The following NPHP4 variants were observed in gnomAD, a reference collection of about 807,000 sequenced individuals.
The protein encoded by NPHP4 is nephrocystin 4, also known as nephrocystin-4.
In NPHP4, 151 loss-of-function variants were observed where a neutral mutation model predicts 155.8. That is an observed-to-expected ratio of 0.97 (90% confidence interval 0.85 to 1.11). NPHP4 has a LOEUF of 1.11. NPHP4 is among the 50% of genes least tolerant of loss of function. The pLI is 0.00. For synonymous variants in NPHP4, 845 were observed against 816.8 expected (o/e 1.03, Z -0.59); for missense variants, 1,956 against 1,925.7 (o/e 1.02, Z -0.29).
chr1:5,881,450 A>G (rs1422977817), intron 18 of NPHP4: 1 of 152,276 alleles, frequency 6.6e-6, no homozygotes, highest in Non-Finnish European at 1.5e-5. Flanking sequence ...CAGCCCCTCT[A>G]CATCCCAGGG....
At chr1:5,969,306 CAA>C (rs1413527103) in intron 3 of NPHP4, 47 bp from the exon 4 acceptor site, 1 of 1,363,420 alleles carries the variant, frequency 7.3e-7, no homozygotes, top group African/African-American at 1.5e-5. Context: ...AGGACACACA[CAA>C]AGAGGACATG....
chr1:5,922,681 C>T (rs997332952), intron 11 of NPHP4, among the ~76,000 whole-genome samples: 1 of 137,584 alleles, frequency 7.3e-6, no homozygotes, highest in Non-Finnish European at 1.6e-5. Context: ...TAGCCAGGCA[C>T]GGTGGCACTG....
chr1:5,912,503 A>G (rs1400076380), intron 11 of NPHP4, among the ~76,000 whole-genome samples: 1 of 147,882 alleles, frequency 6.8e-6, no homozygotes, highest in Non-Finnish European at 1.5e-5. Context: ...GCGCCACTGC[A>G]CTCCAGCCTG....
Position 5,867,203 on chromosome 1 carries a change from G to A in NPHP4, c.3473-88C>T. ...CCACACATTACACACTATAGGACAG[G>A]ACAGGCTCGTCACAGGTGCTCAGCA... On this transcript the variant is annotated intron_variant, in intron 24 of 29. Transcript: ENST00000378156. This position sits in a 1 kb window ranked among gnomAD's most constrained non-coding sequence, Gnocchi z 4.1. The A allele has an allele frequency of 1.0e-6, 1 of 1,001,460 alleles. No homozygotes were observed. Among genetic ancestry groups the A allele is most frequent in the Non-Finnish European group, 1.5e-6 (1 of 662,542 alleles). 62.0% of individuals were successfully genotyped at this position (1,001,460 alleles called of 1,614,324 possible).
intron 2 of NPHP4, among the ~76,000 whole-genome samples, chr1:5,980,111 G>A (rs1395461875): frequency 1.3e-5 from 2 of 152,116 alleles, no homozygotes; most frequent in East Asian, 3.9e-4. Flanking sequence ...ACGCAAGCCC[G>A]TCCAGCTGCC....
At chr1:5,865,839 G>A (rs1421658392) in intron 26 of NPHP4, 1 of 177,460 alleles carries the variant, frequency 5.6e-6, no homozygotes, top group Non-Finnish European at 1.2e-5. Context: ...CTGAGTGCAG[G>A]TTAGCCCCTG....
chr1:5,873,668 A>T, intron 22 of NPHP4: 1 of 419,006 alleles, frequency 2.4e-6, no homozygotes. Context: ...ACCTTAAGCG[A>T]TGACCACCAC....
chr1:5,955,402 T>A (rs1323820752), intron 6 of NPHP4, among the ~76,000 whole-genome samples: 1 of 152,208 alleles, frequency 6.6e-6, no homozygotes, highest in Non-Finnish European at 1.5e-5. Context: ...CCAAAGGAAA[T>A]GAAATCAGTA....
At chr1:5,974,344 T>C (rs976244639) in intron 3 of NPHP4, among the ~76,000 whole-genome samples, 1 of 152,050 alleles carries the variant, frequency 6.6e-6, no homozygotes, top group Non-Finnish European at 1.5e-5. Context: ...TCACGAGGAT[T>C]CCTGCCCAGT....
chr1:5,933,225 A>G lies in NPHP4; in HGVS notation c.1224T>C (p.Pro408=). The G allele has an allele frequency of 6.2e-7, 1 of 1,613,380 alleles. No individual in the cohort carries two copies. Among genetic ancestry groups the G allele is most frequent in the Non-Finnish European group, 8.5e-7 (1 of 1,179,344 alleles). ...LEADSGRVTL[P]LQGGIQPNPS... is the part of the protein sequence containing the mutation. ...GGTTGGGCTGGATCCCACCCTGCAG[A>G]GGCAGGGTCACCCTTCCAGAATCAG... Residue 408 remains proline, a synonymous_variant, in exon 10 of 30, where the codon CCT becomes CCC. Coordinates refer to ENST00000378156, the MANE Select transcript of NPHP4 (RefSeq NM_015102.5).
intron 16 of NPHP4, among the ~76,000 whole-genome samples, chr1:5,901,380 G>A (rs1570342866): frequency 6.6e-6 from 1 of 152,236 alleles, no homozygotes; most frequent in African/African-American, 2.4e-5. Context: ...ACAAGCTGCG[G>A]CTGCTGAAGG....
At chr1:5,907,020 CCTAA>C (rs1445338532) in intron 13 of NPHP4, 91 bp downstream of exon 13, 1 of 612,766 alleles carries the variant, frequency 1.6e-6, no homozygotes, top group Non-Finnish European at 2.7e-6. Flanking sequence ...GTCTCTGCCA[CCTAA>C]CTAAGGACAG....
chr1:5,884,355 T>C (rs534728552), intron 18 of NPHP4, among the ~76,000 whole-genome samples: 7 of 152,284 alleles, frequency 4.6e-5, no homozygotes, highest in Admixed American at 3.3e-4. Context: ...ACGCTTAGCC[T>C]GTGGGGCCAT....
chr1:5,879,535 A>G, intron 19 of NPHP4: 1 of 518,642 alleles, frequency 1.9e-6, no homozygotes, highest in South Asian at 1.4e-5. Flanking sequence ...CCTTCTCTCC[A>G]TTTCTCCTTC....
rs372909916 is a variant in NPHP4, at chr1:5,904,764, C to T, written c.1996G>A (p.Val666Met). Residue 666 changes from valine (V) to methionine (M), a missense_variant, in exon 16 of 30, where the codon GTG becomes ATG. Val to Met is a conservative substitution (Grantham distance 21, BLOSUM62 1). Transcript: ENST00000378156. ...DCRGTSWPKT[V>M]YFTFQFYRFP... ...CGGTAGAACTGGAAGGTGAAATACA[C>T]AGTCTTTGGCCATGATGTTCCTCGG... is the stretch of plus-strand genomic sequence containing the variant. The T allele has an allele frequency of 5.0e-6, 8 of 1,613,900 alleles. No homozygotes were observed. In the Admixed American group the frequency reaches 6.7e-5, roughly 13 times the overall value.
intron 12 of NPHP4, 60 bp from the exon 13 acceptor site, chr1:5,907,282 T>C (rs902528321): frequency 1.8e-6 from 2 of 1,138,708 alleles, no homozygotes; most frequent in Non-Finnish European, 2.5e-6. Flanking sequence ...TCCACAAAGC[T>C]CCCAACATGC....
In NPHP4 at chr1:5,888,389, G is replaced by A. The variant is rs577405513; in HGVS notation, c.2305-923C>T. 150 of 1,094,846 alleles carry A rather than the reference G, an allele frequency of 1.4e-4. No individual in the cohort carries two copies. In the South Asian group the frequency reaches 3.0e-3, roughly 22 times the overall value. 67.8% of individuals were successfully genotyped at this position (1,094,846 alleles called of 1,614,324 possible). A position where few individuals can be genotyped will look rare whatever the true frequency, so the allele number is the denominator to read the frequency against. ...AAGAAGCAGTGTGGGAGCAGATGAG[G>A]TTCCGGATTTTGTAATTCTCCAGTT... On this transcript the variant is annotated intron_variant, in intron 17 of 29. Coordinates refer to ENST00000378156, the MANE Select transcript of NPHP4 (RefSeq NM_015102.5).
chr1:5,901,242 C>A (rs534086443), intron 16 of NPHP4, among the ~76,000 whole-genome samples: 3 of 152,182 alleles, frequency 2.0e-5, no homozygotes, highest in African/African-American at 7.2e-5. Flanking sequence ...CTGTCTTTAC[C>A]GTACGCATGT....
intron 11 of NPHP4, among the ~76,000 whole-genome samples, chr1:5,915,349 A>C (rs1645418560): frequency 6.6e-6 from 1 of 152,170 alleles, no homozygotes. Context: ...GGGTTGCAAA[A>C]AGTAGCTTCC....
Sources: gnomAD v4.1 joint callset for allele counts (sites outside exome capture counted in the v4.1 genomes callset) on GRCh38, gnomAD v4.1.1 for gene constraint, Gnocchi (gnomAD v3.1) non-coding constraint, MANE v1.5 for transcripts, NCBI Gene and HGNC (gene_info 2026-07-23, HGNC 2026-07-21) for gene names.